Variants in RYR1 observed in about 807,000 individuals in gnomAD.
RYR1 encodes the protein central core disease of muscle.
A neutral mutation model predicts 583.5 loss-of-function variants in RYR1; 342 were observed. The observed-to-expected ratio is 0.59, with a 90% CI of 0.54 to 0.64. The LOEUF is 0.64. Among genes scored for constraint, RYR1 ranks in the 30% least tolerant of loss-of-function variants. RYR1 has a pLI of 0.00. For synonymous variants in RYR1, 2,791 were observed against 2,822.5 expected (o/e 0.99, Z 0.35); for missense variants, 6,032 against 6,917.2 (o/e 0.87, Z 4.54).
chr19:38,579,443 A>G (rs1162592913), intron 99 of RYR1, among the ~76,000 whole-genome samples: 2 of 148,000 alleles, frequency 1.4e-5, no homozygotes, highest in Admixed American at 6.8e-5. Context: ...AAAAAAAAAA[A>G]TTAGCTGGGT....
chr19:38,529,141 G>A (rs998354763), intron 76 of RYR1, 84 bp downstream of exon 76: 1 of 1,394,828 alleles, frequency 7.2e-7, no homozygotes, highest in Non-Finnish European at 1.0e-6. Context: ...TGCCTCAGGA[G>A]AGGCCCTCCA....
chr19:38,586,573 T>C lies in RYR1; in HGVS notation c.15018T>C (p.Gly5006=). The change falls in exon 105 of 106, where the codon GGT becomes GGC. Residue 5006 remains glycine (G), a synonymous_variant. Coordinates refer to ENST00000359596, the MANE Select transcript of RYR1 (RefSeq NM_000540.3). Reference sequence around the variant, plus strand: ...ACAAGGATGAGACAGAACACACGGGTCAGGTAAGGGGGTGTTAATGGGAGG... The same window carrying C: ...ACAAGGATGAGACAGAACACACGGGCCAGGTAAGGGGGTGTTAATGGGAGG... ...LINKDETEHT[G]QESYVWKMYQ... 1 of 1,613,912 alleles carries C rather than the reference T, an allele frequency of 6.2e-7. No individual in the cohort carries two copies. The highest frequency in any genetic ancestry group is 1.1e-5 in the South Asian group (1 of 91,072).
intron 66 of RYR1, 107 bp downstream of exon 66, chr19:38,517,798 C>CA (rs1302915873): frequency 3.6e-6 from 4 of 1,121,184 alleles, no homozygotes; most frequent in Non-Finnish European, 5.3e-6. Context: ...TGGGAGGAGT[C>CA]AGAGTGTAGG....
At chr19:38,521,372 C>CA (rs752781607) in intron 67 of RYR1, among the ~76,000 whole-genome samples, 307 of 143,840 alleles carry the variant, frequency 2.1e-3, no homozygotes, top group Non-Finnish European at 3.2e-3. Flanking sequence ...GACCCTGTCT[C>CA]AAAAAAAAAA....
Position 38,512,226 on chromosome 19 carries a change from T to A in RYR1, c.9234-19T>A. The A allele has an allele frequency of 1.2e-6, 2 of 1,614,020 alleles. No individual in the cohort carries two copies. The highest frequency in any genetic ancestry group is 1.7e-6 in the Non-Finnish European group (2 of 1,179,940). ...GACTCTCCGATTCCAGAGCTGATGT[T>A]CCCCCGCTGCCCTTCTAGGACAGTG... On this transcript the variant is annotated intron_variant, in intron 62 of 105. Transcript: ENST00000359596. The surrounding 1 kb of genome is among the most constrained non-coding windows in gnomAD (Gnocchi z 5.1).
chr19:38,444,016 C>A lies in RYR1; in HGVS notation c.425-133C>A. Reference sequence around the variant, plus strand: ...AAGTCAGGAACGGGGAACTGTTAGGCAGAGAGTTGGTGGCAGTGATAGGAG... The same window carrying A: ...AAGTCAGGAACGGGGAACTGTTAGGAAGAGAGTTGGTGGCAGTGATAGGAG... On this transcript the variant is annotated intron_variant, in intron 5 of 105. Coordinates refer to ENST00000359596, the MANE Select transcript of RYR1 (RefSeq NM_000540.3). The surrounding 1 kb of genome is among the most constrained non-coding windows in gnomAD (Gnocchi z 5.1). 1 of 854,148 alleles carries A rather than the reference C, an allele frequency of 1.2e-6. No individual in the cohort carries two copies. Among genetic ancestry groups the A allele is most frequent in the Non-Finnish European group, 2.0e-6 (1 of 509,850 alleles). 52.9% of individuals were successfully genotyped at this position (854,148 alleles called of 1,614,324 possible).
At chr19:38,520,419 G>T (rs1257648593) in intron 67 of RYR1, among the ~76,000 whole-genome samples, 1 of 150,914 alleles carries the variant, frequency 6.6e-6, no homozygotes, top group African/African-American at 2.4e-5. Flanking sequence ...TATAGGCCGG[G>T]TGTGGTGGCT....
intron 47 of RYR1, 138 bp downstream of exon 47, chr19:38,501,128 G>A: frequency 1.2e-6 from 1 of 820,304 alleles, no homozygotes; most frequent in South Asian, 1.5e-5. Context: ...CCATCATCAA[G>A]ATAGAAAATG....
Position 38,502,646 on chromosome 19 carries a change from C to T in RYR1, c.7754C>T (p.Thr2585Ile), listed in dbSNP as rs371934483. ...RAIMVDSMLH[T>I]VYRLSRGRSL... ...ATCATGGTGGACTCTATGCTGCATA[C>T]CGTGTACCGCCTGTCTCGGGGTCGT... Residue 2585 changes from threonine (T) to isoleucine (I), a missense_variant, in exon 48 of 106, where the codon ACC (threonine) becomes ATC (isoleucine). Coordinates refer to ENST00000359596, the MANE Select transcript of RYR1 (RefSeq NM_000540.3). 3.5e-5 allele frequency: 56 copies of T among 1,612,746 alleles called. No individual in the cohort carries two copies. The highest frequency in any genetic ancestry group is 4.5e-5 in the East Asian group (2 of 44,856).
chr19:38,497,153 G>C (rs78198817), intron 42 of RYR1, among the ~76,000 whole-genome samples, 199 bp downstream of exon 42: 1 of 151,960 alleles, frequency 6.6e-6, no homozygotes, highest in Admixed American at 6.6e-5. Flanking sequence ...GCTGTGGGCC[G>C]GTCCGCACTC....
At chr19:38,486,436 C>G (rs1432173329) in intron 34 of RYR1, among the ~76,000 whole-genome samples, 1 of 152,178 alleles carries the variant, frequency 6.6e-6, no homozygotes, top group Non-Finnish European at 1.5e-5. Flanking sequence ...CTCCGCCTCC[C>G]AGGTTCAAGC....
chr19:38,532,552 A>AC lies in RYR1; in HGVS notation c.11193+17dup, dbSNP rs745559174. ...GATATCATGGCAAAGGTGAGGCCCT[A>AC]CCCCCCTCTTCTGGGGCAGATTTCC... is the stretch of plus-strand genomic sequence containing the variant. On this transcript the variant is annotated intron_variant, in intron 77 of 105. Transcript: ENST00000359596. 12 of 1,613,578 alleles carry AC rather than the reference A, an allele frequency of 7.4e-6. No homozygotes were observed. The highest frequency in any genetic ancestry group is 1.6e-4 in the Middle Eastern group (1 of 6,082).
chr19:38,543,999 C>T lies in RYR1; in HGVS notation c.12012+124C>T. The T allele has an allele frequency of 1.1e-6, 1 of 919,700 alleles. No homozygotes were observed. The highest frequency in any genetic ancestry group is 2.0e-5 in the Admixed American group (1 of 50,118). 57.0% of individuals were successfully genotyped at this position (919,700 alleles called of 1,614,324 possible). Reference sequence around the variant, plus strand: ...TCCCGGCATGTTCCAGACTGGTTCCCTCTCAGTGGCCAAATCCATCCTCTT... The same window carrying T: ...TCCCGGCATGTTCCAGACTGGTTCCTTCTCAGTGGCCAAATCCATCCTCTT... On this transcript the variant is annotated intron_variant, in intron 87 of 105. Coordinates refer to ENST00000359596, the MANE Select transcript of RYR1 (RefSeq NM_000540.3). The surrounding 1 kb of genome is among the most constrained non-coding windows in gnomAD (Gnocchi z 4.4).
Position 38,500,027 on chromosome 19 carries a change from G to A in RYR1, c.7323+11G>A, listed in dbSNP as rs1167691728. Reference sequence around the variant, plus strand: ...GCACCAGAGATGCATGTGAGACCCTGAGCCAGGGCAGGATGGGAAGGGAGG... The same window carrying A: ...GCACCAGAGATGCATGTGAGACCCTAAGCCAGGGCAGGATGGGAAGGGAGG... On this transcript the variant is annotated intron_variant, in intron 45 of 105. Transcript: ENST00000359596. This position sits in a 1 kb window ranked among gnomAD's most constrained non-coding sequence, Gnocchi z 5.9. 1 of 1,612,766 alleles carries A rather than the reference G, an allele frequency of 6.2e-7. No homozygotes were observed. Among genetic ancestry groups the A allele is most frequent in the Non-Finnish European group, 8.5e-7 (1 of 1,179,034 alleles).
intron 84 of RYR1, among the ~76,000 whole-genome samples, chr19:38,542,867 G>A (rs1432016367): frequency 1.3e-5 from 2 of 151,422 alleles, no homozygotes; most frequent in Admixed American, 1.3e-4. Flanking sequence ...TTGAGACGGG[G>A]TTTCCATCTT....
chr19:38,550,662 C>A (rs1293862671), intron 89 of RYR1, among the ~76,000 whole-genome samples: 1 of 152,142 alleles, frequency 6.6e-6, no homozygotes, highest in Non-Finnish European at 1.5e-5. Flanking sequence ...AGGTGTGAGT[C>A]ACTGCACCTG....
At chr19:38,468,202 TC>T (rs948633756) in intron 25 of RYR1, among the ~76,000 whole-genome samples, 9 of 149,524 alleles carry the variant, frequency 6.0e-5, no homozygotes, top group Non-Finnish European at 1.3e-4. Context: ...GCACATATAG[TC>T]CCATCATCCA....
intron 37 of RYR1, 31 bp from the exon 38 acceptor site, chr19:38,492,459 T>C: frequency 6.2e-7 from 1 of 1,612,982 alleles, no homozygotes; most frequent in South Asian, 1.1e-5. Context: ...AACTAATGAA[T>C]GACATTTCCC....
At chr19:38,542,339 A>T (rs2145771401) in intron 84 of RYR1, among the ~76,000 whole-genome samples, 1 of 152,166 alleles carries the variant, frequency 6.6e-6, no homozygotes, top group South Asian at 2.1e-4. Flanking sequence ...TATCCCCAGC[A>T]CATAGGAGGA....
Sources: allele counts gnomAD v4.1 joint callset (sites outside exome capture counted in the v4.1 genomes callset), GRCh38; gene constraint gnomAD v4.1.1; non-coding constraint Gnocchi (gnomAD v3.1); transcripts MANE v1.5; gene names NCBI Gene and HGNC (gene_info 2026-07-23, HGNC 2026-07-21).